GARRE1: variants seen among roughly 807,000 people sequenced by gnomAD.
GARRE1 encodes the protein granule associated Rac and RHOG effector 1.
A neutral mutation model predicts 103.2 loss-of-function variants in GARRE1; 49 were observed. The ratio of observed to expected loss-of-function variants is 0.47; its 90% CI spans 0.38 to 0.60. GARRE1 has a LOEUF of 0.60. Ranked by LOEUF, GARRE1 falls within the 20% of genes least tolerant of loss-of-function variation. GARRE1 has a pLI of 0.00. For synonymous variants in GARRE1, 505 were observed against 532.8 expected, an observed-to-expected ratio of 0.95 and a Z score of 0.72; for missense variants, 1,199 against 1,370.5, an observed-to-expected ratio of 0.87 and a Z score of 1.98.
intron 1 of GARRE1, among the ~76,000 whole-genome samples, chr19:34,289,069 G>T (rs1365722923): frequency 6.6e-6 from 1 of 152,056 alleles, no homozygotes; most frequent in Non-Finnish European, 1.5e-5. Context: ...AGGAGGTGAA[G>T]GTTGCAGTGA....
chr19:34,323,023 CTTTTTTTTTTTTTTTTTT>C (rs71165649), intron 3 of GARRE1, among the ~76,000 whole-genome samples: 2 of 66,666 alleles, frequency 3.0e-5, no homozygotes, highest in Non-Finnish European at 5.4e-5. Context: ...TATTTCTTTT[CTTTTTTTTTTTTTTTTTT>C]TTTTTTTTTG....
At chr19:34,274,337 G>A (rs149155286) in intron 1 of GARRE1, among the ~76,000 whole-genome samples, 1,787 of 152,130 alleles carry the variant, frequency 0.012, 15 homozygotes, top group Non-Finnish European at 0.016. Context: ...CCCAGGAGGC[G>A]GAGGTTGCAG....
At chr19:34,335,686 C>A (rs1226007763) in intron 8 of GARRE1, among the ~76,000 whole-genome samples, 1 of 152,160 alleles carries the variant, frequency 6.6e-6, no homozygotes, top group Non-Finnish European at 1.5e-5. Flanking sequence ...CCACTACGCC[C>A]AGCTAATTTT....
rs915879128 is a variant in GARRE1 at position 34,347,602 on chromosome 19, CTT to C, written c.2522-271_2522-270del. ...TAGGGAAATCAAACCATTTTTCTCT[CTT>C]TTTGTTTCTTTCACACTTAGCCTGC... On this transcript the variant is annotated intron_variant, in intron 10 of 13. Transcript: ENST00000299505. 5.2e-4 allele frequency among the ~76,000 whole-genome samples: 79 copies of C among 152,128 alleles called. 1 individual carries two copies. Among genetic ancestry groups the C allele is most frequent in the African/African-American group, 1.4e-3 (58 of 41,416 alleles).
intron 10 of GARRE1, among the ~76,000 whole-genome samples, chr19:34,346,533 C>T (rs760278891): frequency 5.3e-5 from 8 of 152,116 alleles, no homozygotes; most frequent in South Asian, 2.1e-4. Flanking sequence ...GCTTTGTTAA[C>T]GTTCAGGTTA....
At chr19:34,315,222 G>T (rs772868091) in intron 2 of GARRE1, among the ~76,000 whole-genome samples, 1 of 152,178 alleles carries the variant, frequency 6.6e-6, no homozygotes, top group Non-Finnish European at 1.5e-5. Flanking sequence ...TAAATTATTT[G>T]TATTGATGTG....
rs1229989381 is a variant in GARRE1, at chr19:34,331,710, G to A, written c.1263+1363G>A. Among the ~76,000 whole-genome samples the A allele has an allele frequency of 2.6e-5, 4 of 152,184 alleles. No homozygotes were observed. The East Asian group carries it at 5.8e-4, about 22-fold the overall frequency. On this transcript the variant is annotated intron_variant, in intron 7 of 13. Transcript: ENST00000299505. ...AACGACTACTTTTCAAAAACATATG[G>A]TGGCAGGGCGTGGTGGCTCACACCT...
intron 2 of GARRE1, among the ~76,000 whole-genome samples, chr19:34,310,789 A>G (rs900821607): frequency 1.4e-4 from 21 of 152,088 alleles, no homozygotes; most frequent in African/African-American, 4.1e-4. Flanking sequence ...AAAACTTTCA[A>G]CTGCTCCTCT....
chr19:34,279,984 C>CAAAAAAA (rs34044474), intron 1 of GARRE1, among the ~76,000 whole-genome samples: 1 of 67,926 alleles, frequency 1.5e-5, no homozygotes, highest in African/African-American at 5.1e-5. Context: ...GACTCCGTCT[C>CAAAAAAA]AAAAAAAAAA....
intron 1 of GARRE1, among the ~76,000 whole-genome samples, chr19:34,293,748 T>A (rs369421819): frequency 2.0e-5 from 1 of 49,080 alleles, no homozygotes; most frequent in East Asian, 3.4e-4. Flanking sequence ...ACACACATAT[T>A]TCTTTTTTTT....
rs1367263410 is a variant in GARRE1 at position 34,341,818 on chromosome 19, T to C, written c.1884T>C (p.His628=). 2.5e-6 allele frequency: 4 copies of C among 1,614,172 alleles called. No homozygotes were observed. The South Asian group carries it at 3.3e-5, about 13-fold the overall frequency. The change falls in exon 10 of 14, where the codon CAT becomes CAC. Residue 628 remains histidine, a synonymous_variant. Transcript: ENST00000299505. The part of the protein sequence containing the change: ...FLMERRENFL[H]GDDGKDEKGM... ...TGGAGAGGCGTGAGAACTTCCTGCA[T>C]GGAGATGACGGCAAGGATGAGAAGG...
At chr19:34,259,342 A>G (rs576786292) in intron 1 of GARRE1, among the ~76,000 whole-genome samples, 1 of 152,234 alleles carries the variant, frequency 6.6e-6, no homozygotes, top group Admixed American at 6.5e-5. Flanking sequence ...ACCTTTTCTT[A>G]AGGGATTTCA....
At chr19:34,327,290 A>T in intron 3 of GARRE1, 131 bp from the exon 4 acceptor site, 1 of 814,536 alleles carries the variant, frequency 1.2e-6, no homozygotes, top group Non-Finnish European at 1.9e-6. Flanking sequence ...TAGAACTTCT[A>T]GTTTATTTGC....
At chr19:34,271,625 C>A (rs541983837) in intron 1 of GARRE1, among the ~76,000 whole-genome samples, 1 of 151,876 alleles carries the variant, frequency 6.6e-6, no homozygotes, top group South Asian at 2.1e-4. Flanking sequence ...TTTTGGGAGC[C>A]GAGGCAGAAG....
intron 1 of GARRE1, among the ~76,000 whole-genome samples, chr19:34,278,577 A>AT (rs1390316576): frequency 6.6e-6 from 1 of 151,834 alleles, no homozygotes; most frequent in Non-Finnish European, 1.5e-5. Flanking sequence ...GGCACCCCAT[A>AT]TATATGGAAT....
intron 2 of GARRE1, among the ~76,000 whole-genome samples, chr19:34,311,166 T>C (rs1323522636): frequency 1.3e-5 from 2 of 151,716 alleles, no homozygotes; most frequent in African/African-American, 2.4e-5. Flanking sequence ...CTAAACTGTA[T>C]TTTTTTGTAG....
At chr19:34,296,790 A>T (rs1297168913) in intron 1 of GARRE1, among the ~76,000 whole-genome samples, 3 of 152,082 alleles carry the variant, frequency 2.0e-5, no homozygotes, top group Non-Finnish European at 4.4e-5. Flanking sequence ...TGGAACCCTC[A>T]CATTTTTATA....
chr19:34,263,265 G>GAGATAGAGAGATAGATAGAT (rs1555778755), intron 1 of GARRE1, among the ~76,000 whole-genome samples: 1 of 149,494 alleles, frequency 6.7e-6, no homozygotes, highest in African/African-American at 2.5e-5. Context: ...TCTCGATAGA[G>GAGATAGAGAGATAGATAGAT]AGATAGATAG....
intron 10 of GARRE1, among the ~76,000 whole-genome samples, chr19:34,345,514 T>C (rs931260765): frequency 6.6e-6 from 1 of 152,214 alleles, no homozygotes; most frequent in Non-Finnish European, 1.5e-5. Context: ...TAAACAGTAT[T>C]TGTCAGAATT....
Sources: allele counts gnomAD v4.1 joint callset (sites outside exome capture counted in the v4.1 genomes callset), GRCh38; gene constraint gnomAD v4.1.1; transcripts MANE v1.5; gene names NCBI Gene and HGNC (gene_info 2026-07-23, HGNC 2026-07-21).